Variants in IQCM observed in about 807,000 individuals in gnomAD.
IQCM encodes IQ domain-containing protein M.
A neutral mutation model predicts 57.6 loss-of-function variants in IQCM; 45 were observed. The ratio of observed to expected loss-of-function variants is 0.78; its 90% CI spans 0.62 to 1.00. The LOEUF (loss-of-function observed/expected upper bound fraction) is 1.00, where lower values mean the gene tolerates loss of function less well. Among genes scored for constraint, IQCM ranks in the 50% least tolerant of loss-of-function variants. IQCM has a pLI of 0.00. For synonymous variants in IQCM, 148 were observed against 158.9 expected (o/e 0.93, Z 0.51); for missense variants, 468 against 511.6 (o/e 0.91, Z 0.82).
chr4:149,683,552 A>C (rs1362503475), intron 6 of IQCM, among the ~76,000 whole-genome samples: 3 of 151,302 alleles, frequency 2.0e-5, no homozygotes. Flanking sequence ...AGTTGTATCA[A>C]GAGAAAATAG....
chr4:149,688,283 C>A (rs770479544), intron 5 of IQCM, among the ~76,000 whole-genome samples: 1 of 151,954 alleles, frequency 6.6e-6, no homozygotes, highest in Non-Finnish European at 1.5e-5. Flanking sequence ...GTACACAAAT[C>A]AGTAGCTCTT....
intron 7 of IQCM, among the ~76,000 whole-genome samples, chr4:149,680,179 G>A (rs1223322706): frequency 1.3e-5 from 2 of 151,190 alleles, no homozygotes; most frequent in Non-Finnish European, 3.0e-5. Flanking sequence ...AAGGAAAAAA[G>A]AACACCTACT....
At chr4:149,752,771 C>A (rs958069381) in intron 2 of IQCM, among the ~76,000 whole-genome samples, 22 of 152,090 alleles carry the variant, frequency 1.4e-4, no homozygotes, top group Non-Finnish European at 2.5e-4. Flanking sequence ...CAGAGTAATT[C>A]TCATGTTAGG....
At chr4:149,674,939 T>A (rs370128469) in intron 7 of IQCM, among the ~76,000 whole-genome samples, 129 of 152,194 alleles carry the variant, frequency 8.5e-4, no homozygotes, top group African/African-American at 2.8e-3. Context: ...GTAGGAATTT[T>A]AAAAATTGTC....
intron 3 of IQCM, among the ~76,000 whole-genome samples, chr4:149,739,746 A>G (rs886832262): frequency 4.6e-5 from 7 of 152,152 alleles, no homozygotes; most frequent in African/African-American, 1.7e-4. Flanking sequence ...GAGTGCAAAT[A>G]CTAACATTCC....
At chr4:149,368,008 G>A (rs1191851860) in intron 13 of IQCM, among the ~76,000 whole-genome samples, 2 of 151,896 alleles carry the variant, frequency 1.3e-5, no homozygotes, top group African/African-American at 4.8e-5. Context: ...TCTATTTTAA[G>A]TAGCTCATTG....
chr4:149,399,720 T>C (rs1732480373), intron 13 of IQCM, among the ~76,000 whole-genome samples: 1 of 152,114 alleles, frequency 6.6e-6, no homozygotes, highest in Non-Finnish European at 1.5e-5. Flanking sequence ...ATGCAACTTC[T>C]GGCAGGCTGC....
At chr4:149,637,558 A>G (rs1417665464) in intron 7 of IQCM, among the ~76,000 whole-genome samples, 5 of 152,210 alleles carry the variant, frequency 3.3e-5, no homozygotes, top group African/African-American at 1.2e-4. Flanking sequence ...CAGGCAAAAG[A>G]AACAAGAATA....
chr4:149,723,146 G>C (rs917095166), intron 5 of IQCM, among the ~76,000 whole-genome samples: 1 of 151,962 alleles, frequency 6.6e-6, no homozygotes, highest in African/African-American at 2.4e-5. Context: ...AGTAAACTGA[G>C]ACTAAACAGA....
intron 2 of IQCM, among the ~76,000 whole-genome samples, chr4:149,782,915 T>A (rs1771742413): frequency 6.6e-6 from 1 of 152,186 alleles, no homozygotes; most frequent in Non-Finnish European, 1.5e-5. Flanking sequence ...TTCTCAGTCT[T>A]CCTTGCTGTT....
intron 7 of IQCM, among the ~76,000 whole-genome samples, chr4:149,642,961 A>G (rs926283550): frequency 6.6e-6 from 1 of 152,146 alleles, no homozygotes; most frequent in African/African-American, 2.4e-5. Context: ...ATTCTAAGAC[A>G]TTTATATTCA....
At chr4:149,653,292 C>T (rs1162273323) in intron 7 of IQCM, among the ~76,000 whole-genome samples, 1 of 152,096 alleles carries the variant, frequency 6.6e-6, no homozygotes, top group Non-Finnish European at 1.5e-5. Context: ...TTCCTTATCC[C>T]ATCAGACTCT....
chr4:149,454,409 C>A (rs1737464620), intron 12 of IQCM, among the ~76,000 whole-genome samples: 2 of 151,798 alleles, frequency 1.3e-5, no homozygotes, highest in Non-Finnish European at 2.9e-5. Context: ...TAAGTGGGAG[C>A]TGAACATTGA....
intron 8 of IQCM, among the ~76,000 whole-genome samples, chr4:149,604,431 A>T (rs555589714): frequency 6.6e-6 from 1 of 152,328 alleles, no homozygotes; most frequent in Admixed American, 6.5e-5. Context: ...GCCTAAAGGT[A>T]TATAACTAAA....
intron 2 of IQCM, among the ~76,000 whole-genome samples, chr4:149,813,199 A>C (rs1325440233): frequency 6.6e-6 from 1 of 152,040 alleles, no homozygotes; most frequent in Non-Finnish European, 1.5e-5. Context: ...CAGCTAAGTA[A>C]ATTTTCTACA....
chr4:149,798,117 T>A (rs919764260), intron 2 of IQCM, among the ~76,000 whole-genome samples: 1 of 151,858 alleles, frequency 6.6e-6, no homozygotes, highest in Non-Finnish European at 1.5e-5. Flanking sequence ...CAATCAAAAA[T>A]AATAACTACA....
chr4:149,382,992 CAAA>C (rs202088268), intron 13 of IQCM, among the ~76,000 whole-genome samples: 35 of 103,922 alleles, frequency 3.4e-4, no homozygotes, highest in Non-Finnish European at 4.0e-4. Flanking sequence ...TATTCTTCAG[CAAA>C]AAAAAAAAAA....
chr4:149,568,785 A>C (rs1036275068), intron 9 of IQCM, among the ~76,000 whole-genome samples: 2 of 152,178 alleles, frequency 1.3e-5, no homozygotes, highest in African/African-American at 4.8e-5. Context: ...CTCAAAATAC[A>C]CATGTACATA....
At chr4:149,596,705 T>C (rs949710923) in intron 8 of IQCM, among the ~76,000 whole-genome samples, 1 of 152,082 alleles carries the variant, frequency 6.6e-6, no homozygotes, top group Admixed American at 6.6e-5. Context: ...CTAATGACAA[T>C]ATACCATTTA....
Sources: allele counts gnomAD v4.1 joint callset (sites outside exome capture counted in the v4.1 genomes callset), GRCh38; gene constraint gnomAD v4.1.1; transcripts MANE v1.5; gene names NCBI Gene and HGNC (gene_info 2026-07-23, HGNC 2026-07-21).